The following PCDHGB1 variants were observed in gnomAD, a reference collection of about 807,000 sequenced individuals.
PCDHGB1 encodes the protein protocadherin gamma-B1.
A neutral mutation model predicts 56.6 loss-of-function variants in PCDHGB1; 34 were observed. That is an observed-to-expected ratio of 0.60 (90% CI 0.46 to 0.80). PCDHGB1 has a LOEUF of 0.80. Ranked by LOEUF, PCDHGB1 falls within the 30% of genes least tolerant of loss-of-function variation. The pLI is 0.00. For missense variants in PCDHGB1, 1,278 were observed against 1,204.6 expected, an observed-to-expected ratio of 1.06 and a Z score of -0.90; for synonymous variants, 561 against 505.9, an observed-to-expected ratio of 1.11 and a Z score of -1.46.
chr5:141,508,741 C>G (rs2099871426), intron 3 of PCDHGB1, among the ~76,000 whole-genome samples: 1 of 152,042 alleles, frequency 6.6e-6, no homozygotes, highest in Non-Finnish European at 1.5e-5. Context: ...ACCCCCCACC[C>G]CGCTCTTTCT....
intron 3 of PCDHGB1, among the ~76,000 whole-genome samples, chr5:141,510,208 G>A (rs560746333): frequency 2.0e-5 from 3 of 151,866 alleles, no homozygotes; most frequent in Admixed American, 1.3e-4. Context: ...AGGAGGCAGA[G>A]GTTGCAGTGA....
intron 1 of PCDHGB1, among the ~76,000 whole-genome samples, chr5:141,470,036 C>T (rs573955901): frequency 5.3e-5 from 8 of 152,022 alleles, no homozygotes; most frequent in South Asian, 2.1e-4. Flanking sequence ...TGCTGAGGCG[C>T]GAGAACTGTT....
chr5:141,495,276 G>A (rs1350329744), intron 2 of PCDHGB1, among the ~76,000 whole-genome samples: 1 of 152,190 alleles, frequency 6.6e-6, no homozygotes, highest in East Asian at 1.9e-4. Flanking sequence ...GACCGGAGGA[G>A]GCGGTCCGCA....
intron 1 of PCDHGB1, chr5:141,372,029 C>A (rs576761049): frequency 2.7e-5 from 43 of 1,613,324 alleles, no homozygotes; most frequent in Non-Finnish European, 3.2e-5. Context: ...TCAGCGCCAA[C>A]GTGAGCCTGC....
chr5:141,385,126 A>G lies in PCDHGB1; in HGVS notation c.2409+32457A>G. The G allele has an allele frequency of 6.2e-7, 1 of 1,614,206 alleles. No individual in the cohort carries two copies. The highest frequency in any genetic ancestry group is 1.1e-5 in the South Asian group (1 of 91,090). On this transcript the variant is annotated intron_variant, in intron 1 of 3. Coordinates refer to ENST00000523390, the MANE Select transcript of PCDHGB1 (RefSeq NM_018922.3). Reference sequence around the variant, plus strand: ...CGTGCCCACCTCGCACTTTGTGGGCATGGACGGGGTGCAGGCTTTCCTGCA... The same window carrying G: ...CGTGCCCACCTCGCACTTTGTGGGCGTGGACGGGGTGCAGGCTTTCCTGCA...
chr5:141,390,000 A>G, intron 1 of PCDHGB1: 2 of 1,613,856 alleles, frequency 1.2e-6, no homozygotes, highest in Non-Finnish European at 1.7e-6. Flanking sequence ...CGTGGCCATG[A>G]TTCTGGCCAT....
At chr5:141,356,080 T>G in intron 1 of PCDHGB1, 9 of 1,613,922 alleles carry the variant, frequency 5.6e-6, no homozygotes, top group Non-Finnish European at 7.6e-6. Flanking sequence ...GCTATTTCAG[T>G]TGAATTCTCT....
chr5:141,489,397 G>T lies in PCDHGB1; in HGVS notation c.2410-5410G>T. ...GGTGGGGAATGTTGCTCAGGATCTG[G>T]GCTTAAAGATGACAGATCTGTTGAG... On this transcript the variant is annotated intron_variant, in intron 1 of 3. Coordinates refer to ENST00000523390, the MANE Select transcript of PCDHGB1 (RefSeq NM_018922.3). The surrounding 1 kb of genome is among the most constrained non-coding windows in gnomAD (Gnocchi z 4.5). 2 of 1,614,176 alleles carry T rather than the reference G, an allele frequency of 1.2e-6. No individual in the cohort carries two copies. Among genetic ancestry groups the T allele is most frequent in the Non-Finnish European group, 1.7e-6 (2 of 1,180,038 alleles).
At chr5:141,449,407 G>A (rs1367837385) in intron 1 of PCDHGB1, among the ~76,000 whole-genome samples, 2 of 151,754 alleles carry the variant, frequency 1.3e-5, no homozygotes, top group Non-Finnish European at 2.9e-5. Flanking sequence ...AGGAGTTCAA[G>A]ACCAGCCTGG....
In PCDHGB1 at chr5:141,461,259, T is replaced by C. The variant is rs114101293; in HGVS notation, c.2410-33548T>C. Among the ~76,000 whole-genome samples the C allele has an allele frequency of 4.2e-3, 640 of 152,290 alleles. 5 individuals are homozygous for C. The highest frequency in any genetic ancestry group is 0.015 in the African/African-American group (623 of 41,554). On this transcript the variant is annotated intron_variant, in intron 1 of 3. Coordinates refer to ENST00000523390, the MANE Select transcript of PCDHGB1 (RefSeq NM_018922.3). ...TACTAATTTATATTCCCAGCAGCAA[T>C]GTGTAAGTGTTCTCTTTTCCCCACA...
chr5:141,356,652 T>C, intron 1 of PCDHGB1: 5 of 1,614,078 alleles, frequency 3.1e-6, no homozygotes, highest in Non-Finnish European at 4.2e-6. Context: ...GTGGTGACAA[T>C]GCCCGAATCA....
chr5:141,409,000 C>A, intron 1 of PCDHGB1: 4 of 1,613,950 alleles, frequency 2.5e-6, no homozygotes, highest in Non-Finnish European at 3.4e-6. Flanking sequence ...AAGTGACAGC[C>A]ACTGACCAGG....
chr5:141,441,823 C>A (rs538052540), intron 1 of PCDHGB1: 6 of 357,336 alleles, frequency 1.7e-5, no homozygotes, highest in South Asian at 7.1e-5. Flanking sequence ...AGCTCTGGAG[C>A]GCAATGGCTT....
At chr5:141,447,313 T>C (rs2098534296) in intron 1 of PCDHGB1, among the ~76,000 whole-genome samples, 1 of 152,146 alleles carries the variant, frequency 6.6e-6, no homozygotes, top group African/African-American at 2.4e-5. Context: ...CTAATTTTTG[T>C]ATTTTTAGTA....
chr5:141,368,944 T>G (rs1765945640), intron 1 of PCDHGB1, among the ~76,000 whole-genome samples: 5 of 152,236 alleles, frequency 3.3e-5, no homozygotes, highest in Admixed American at 3.3e-4. Context: ...TTCTGGTTAC[T>G]GTGAGTAGTT....
chr5:141,475,928 G>A, intron 1 of PCDHGB1: 1 of 630,590 alleles, frequency 1.6e-6, no homozygotes, highest in Non-Finnish European at 2.7e-6. Context: ...TGGAGATCGG[G>A]CCCCTGCCCG....
At chr5:141,423,754 GGGGGGGT>G in intron 1 of PCDHGB1, 1 of 577,826 alleles carries the variant, frequency 1.7e-6, no homozygotes, top group Non-Finnish European at 2.2e-6. Flanking sequence ...ACTGTTTGGG[GGGGGGGT>G]GGGGCGGCAT....
At chr5:141,422,281 T>C in intron 1 of PCDHGB1, 1 of 1,557,044 alleles carries the variant, frequency 6.4e-7, no homozygotes, top group Middle Eastern at 1.7e-4. Context: ...AACTATCACC[T>C]CTTCTATTAA....
intron 1 of PCDHGB1, chr5:141,356,248 A>T (rs1760166144): frequency 6.3e-7 from 1 of 1,577,062 alleles, no homozygotes; most frequent in Non-Finnish European, 8.6e-7. Flanking sequence ...AGTCACAGTT[A>T]CATCTCTCAC....
Sources: allele counts gnomAD v4.1 joint callset (sites outside exome capture counted in the v4.1 genomes callset), GRCh38; gene constraint gnomAD v4.1.1; non-coding constraint Gnocchi (gnomAD v3.1); transcripts MANE v1.5; gene names NCBI Gene and HGNC (gene_info 2026-07-23, HGNC 2026-07-21).